The following RGS6 variants were observed in gnomAD, a reference collection of about 807,000 sequenced individuals.
The protein encoded by RGS6 is regulator of G protein signaling 6, also known as regulator of G-protein signaling 6.
A neutral mutation model predicts 78.5 loss-of-function variants in RGS6; 30 were observed. That is an observed-to-expected ratio of 0.38 (90% CI 0.29 to 0.52). RGS6 has a LOEUF of 0.52. Among genes scored for constraint, RGS6 ranks in the 20% least tolerant of loss-of-function variants. RGS6 has a pLI of 0.85. For missense variants in RGS6, 495 were observed against 609.7 expected (o/e 0.81, Z 1.98); for synonymous variants, 206 against 206.0 (o/e 1.00, Z 0.00).
chr14:72,295,999 G>T (rs1424067632), intron 2 of RGS6, among the ~76,000 whole-genome samples: 1 of 152,176 alleles, frequency 6.6e-6, no homozygotes, highest in Non-Finnish European at 1.5e-5. Context: ...ATGCGGGAAA[G>T]TTCTCTTATT....
chr14:72,165,154 A>C (rs2096907360), intron 2 of RGS6, among the ~76,000 whole-genome samples: 1 of 152,226 alleles, frequency 6.6e-6, no homozygotes, highest in Non-Finnish European at 1.5e-5. Flanking sequence ...TCTCACTTTG[A>C]ATTGCTCACC....
At chr14:72,217,398 A>G (rs1165372267) in intron 2 of RGS6, among the ~76,000 whole-genome samples, 3 of 152,198 alleles carry the variant, frequency 2.0e-5, no homozygotes, top group Admixed American at 6.5e-5. Flanking sequence ...GGATTCTCAC[A>G]GTGTGGTAAG....
At chr14:71,886,518 G>T in the RGS6 span, among the ~76,000 whole-genome samples, 52 of 152,290 alleles carry the variant, frequency 3.4e-4, no homozygotes, top group Non-Finnish European at 6.3e-4. Flanking sequence ...TCTGTCTAAG[G>T]TGTATTTGGA....
intron 17 of RGS6, 118 bp from the exon 18 acceptor site, chr14:72,562,299 T>C: frequency 1.1e-6 from 1 of 933,834 alleles, no homozygotes; most frequent in African/African-American, 1.6e-5. Context: ...GTCAGTTGGG[T>C]TGGTTGGTCG....
chr14:72,275,965 C>T (rs2060604089), intron 2 of RGS6, among the ~76,000 whole-genome samples: 1 of 152,124 alleles, frequency 6.6e-6, no homozygotes, highest in African/African-American at 2.4e-5. Context: ...ACCTCTCTAT[C>T]CCATGAGACT....
At chr14:72,511,491 G>A (rs1309446260) in intron 14 of RGS6, 1 of 152,208 alleles carries the variant, frequency 6.6e-6, no homozygotes, top group Non-Finnish European at 1.5e-5. Flanking sequence ...GACCTTGTAG[G>A]TCCTTGAGGA....
rs80112447 is a variant in RGS6, at chr14:71,935,740, T to C, written c.-21+2799T>C. ...TTCTCCTGTGGCCTCTGGGCCTCTG[T>C]TTCCCTAAAGGGCAAAAGGTACTTT... On this transcript the variant is annotated intron_variant, in intron 1 of 17. Transcript: ENST00000553525. Among the ~76,000 whole-genome samples, 1,386 of 152,138 alleles carry C rather than the reference T, an allele frequency of 9.1e-3. 18 individuals carry two copies. Among genetic ancestry groups the C allele is most frequent in the African/African-American group, 0.032 (1,322 of 41,498 alleles).
At chr14:72,581,546 G>T in the RGS6 span, among the ~76,000 whole-genome samples, 1 of 152,118 alleles carries the variant, frequency 6.6e-6, no homozygotes, top group Admixed American at 6.5e-5. Context: ...TCCTTCAGTA[G>T]CTCTCGTTGC....
chr14:72,276,137 A>G (rs377020437), intron 2 of RGS6, among the ~76,000 whole-genome samples: 102 of 152,344 alleles, frequency 6.7e-4, no homozygotes, highest in Non-Finnish European at 1.1e-3. Flanking sequence ...TTTATGTAGA[A>G]AAGCTCATGC....
At chr14:72,173,775 T>A (rs2097061721) in intron 2 of RGS6, among the ~76,000 whole-genome samples, 1 of 152,184 alleles carries the variant, frequency 6.6e-6, no homozygotes, top group South Asian at 2.1e-4. Context: ...TCCTTGGGGC[T>A]ATGGTACCAA....
intron 2 of RGS6, among the ~76,000 whole-genome samples, chr14:72,126,201 C>T (rs1186030151): frequency 6.6e-6 from 1 of 152,214 alleles, no homozygotes; most frequent in East Asian, 1.9e-4. Context: ...TCCACATTTA[C>T]TTCACATGCT....
At chr14:72,274,572 C>G (rs2060401813) in intron 2 of RGS6, among the ~76,000 whole-genome samples, 1 of 152,326 alleles carries the variant, frequency 6.6e-6, no homozygotes, top group East Asian at 1.9e-4. Context: ...CATATGTTAC[C>G]TTATGTGGCA....
the RGS6 span, among the ~76,000 whole-genome samples, chr14:72,586,158 CA>C: frequency 6.6e-6 from 1 of 152,158 alleles, no homozygotes; most frequent in African/African-American, 2.4e-5. Flanking sequence ...AGCCTTTTTG[CA>C]GAGCTTAGTG....
At chr14:72,624,246 C>T in the RGS6 span, among the ~76,000 whole-genome samples, 67 of 151,040 alleles carry the variant, frequency 4.4e-4, no homozygotes, top group Middle Eastern at 3.5e-3. Context: ...AGCAGAATTA[C>T]GAAAATCAGA....
the RGS6 span, among the ~76,000 whole-genome samples, chr14:72,581,571 T>C: frequency 6.6e-6 from 1 of 152,206 alleles, no homozygotes; most frequent in Admixed American, 6.5e-5. Context: ...AGGATGTGTG[T>C]CCAAATGCCT....
intron 2 of RGS6, among the ~76,000 whole-genome samples, chr14:71,981,246 C>A (rs1218585990): frequency 6.6e-6 from 1 of 151,982 alleles, no homozygotes; most frequent in Non-Finnish European, 1.5e-5. Context: ...TCGTCTGAAG[C>A]CTTCTTCTCT....
intron 2 of RGS6, among the ~76,000 whole-genome samples, chr14:72,340,015 T>C (rs2076700326): frequency 6.6e-6 from 1 of 152,100 alleles, no homozygotes; most frequent in African/African-American, 2.4e-5. Context: ...AAGGGGCCCC[T>C]CTGCTATAAG....
chr14:72,038,687 G>A (rs1199316497), intron 2 of RGS6, among the ~76,000 whole-genome samples: 1 of 152,008 alleles, frequency 6.6e-6, no homozygotes, highest in Admixed American at 6.6e-5. Flanking sequence ...ATTTTAAACA[G>A]CATTTAAAAA....
intron 1 of RGS6, among the ~76,000 whole-genome samples, chr14:71,958,484 A>G (rs768582538): frequency 1.3e-5 from 2 of 152,194 alleles, no homozygotes; most frequent in Non-Finnish European, 1.5e-5. Flanking sequence ...AGTGATTAGC[A>G]TTTGTTCCAT....
Sources: gnomAD v4.1 joint callset for allele counts (sites outside exome capture counted in the v4.1 genomes callset) on GRCh38, gnomAD v4.1.1 for gene constraint, MANE v1.5 for transcripts, NCBI Gene and HGNC (gene_info 2026-07-23, HGNC 2026-07-21) for gene names.